Variants in THRAP3 observed in about 807,000 individuals in gnomAD.
THRAP3 encodes thyroid hormone receptor associated protein 3, also known as thyroid hormone receptor-associated protein 3.
A neutral mutation model predicts 101.0 loss-of-function variants in THRAP3; 16 were observed. The ratio of observed to expected loss-of-function variants is 0.16; its 90% confidence interval spans 0.11 to 0.24. THRAP3 has a LOEUF of 0.24. THRAP3 is among the 10% of genes least tolerant of loss of function. The pLI is 1.00. For synonymous variants in THRAP3, 407 were observed against 422.6 expected (o/e 0.96, Z 0.45); for missense variants, 989 against 1,202.7 (o/e 0.82, Z 2.63).
intron 1 of THRAP3, among the ~76,000 whole-genome samples, chr1:36,227,553 G>A (rs373923555): frequency 3.9e-5 from 6 of 152,140 alleles, no homozygotes; most frequent in East Asian, 3.9e-4. Flanking sequence ...AAAGTGCTGG[G>A]ATTACAGGCA....
chr1:36,248,949 G>C (rs904954720), intron 1 of THRAP3, among the ~76,000 whole-genome samples: 1 of 151,382 alleles, frequency 6.6e-6, no homozygotes, highest in African/African-American at 2.4e-5. Flanking sequence ...TCCCAGGCTG[G>C]AGTGCAGTGG....
intron 3 of THRAP3, among the ~76,000 whole-genome samples, chr1:36,282,994 A>G (rs1372641839): frequency 6.6e-6 from 1 of 152,208 alleles, no homozygotes; most frequent in African/African-American, 2.4e-5. Context: ...AAATCTCTAT[A>G]GCTGATTATT....
At chr1:36,261,193 T>C (rs1645440828) in intron 2 of THRAP3, among the ~76,000 whole-genome samples, 1 of 151,434 alleles carries the variant, frequency 6.6e-6, no homozygotes, top group Non-Finnish European at 1.5e-5. Flanking sequence ...AGGCCAGGAG[T>C]TCGAGACCAG....
chr1:36,238,360 A>G (rs773762881), intron 1 of THRAP3, among the ~76,000 whole-genome samples: 10 of 152,244 alleles, frequency 6.6e-5, no homozygotes, highest in Non-Finnish European at 1.0e-4. Flanking sequence ...GTACTTGCCT[A>G]TGAGTGCTAG....
At chr1:36,262,169 T>G (rs534809426) in intron 2 of THRAP3, among the ~76,000 whole-genome samples, 1 of 152,198 alleles carries the variant, frequency 6.6e-6, no homozygotes, top group Non-Finnish European at 1.5e-5. Context: ...ATAAGTGATA[T>G]AAAGAATGGT....
intron 1 of THRAP3, among the ~76,000 whole-genome samples, chr1:36,230,008 G>A (rs1026562977): frequency 5.6e-5 from 8 of 142,178 alleles, no homozygotes; most frequent in Non-Finnish European, 1.1e-4. Context: ...AGGCTGGAGT[G>A]CAGTGGTGCC....
At chr1:36,251,308 C>G (rs921275582) in intron 1 of THRAP3, among the ~76,000 whole-genome samples, 1 of 152,148 alleles carries the variant, frequency 6.6e-6, no homozygotes, top group African/African-American at 2.4e-5. Flanking sequence ...CTTGACAGTT[C>G]AGTCTGATCT....
At chr1:36,225,244 TAC>T (rs1482736882) in intron 1 of THRAP3, 1 of 152,334 alleles carries the variant, frequency 6.6e-6, no homozygotes, top group Non-Finnish European at 1.5e-5. Context: ...TCAGTGGCAG[TAC>T]AGTGTTTATG....
intron 10 of THRAP3, 49 bp from the exon 11 acceptor site, chr1:36,301,504 C>T (rs748398473): frequency 6.3e-7 from 1 of 1,591,886 alleles, no homozygotes; most frequent in Non-Finnish European, 8.5e-7. Context: ...GGTTTGTTCC[C>T]CATTCCTGGC....
At chr1:36,214,715 C>A in the THRAP3 span, among the ~76,000 whole-genome samples, 1 of 151,760 alleles carries the variant, frequency 6.6e-6, no homozygotes, top group Non-Finnish European at 1.5e-5. Context: ...AAAAATTAGC[C>A]GAGCATGGTG....
chr1:36,297,444 ATTTTTTTTTTTT>A (rs764365723), intron 9 of THRAP3, among the ~76,000 whole-genome samples: 2 of 122,372 alleles, frequency 1.6e-5, no homozygotes, highest in African/African-American at 3.1e-5. Context: ...GCTGGCAAGC[ATTTTTTTTTTTT>A]TTTTTTTTTT....
intron 1 of THRAP3, among the ~76,000 whole-genome samples, chr1:36,236,595 G>A (rs935627494): frequency 4.6e-5 from 7 of 151,938 alleles, no homozygotes; most frequent in Admixed American, 6.6e-5. Context: ...CACTGCACCA[G>A]TCTACCTTGC....
intron 2 of THRAP3, among the ~76,000 whole-genome samples, chr1:36,273,455 T>C (rs1005641696): frequency 1.3e-5 from 2 of 152,190 alleles, no homozygotes; most frequent in African/African-American, 4.8e-5. Context: ...ATGAAAAATT[T>C]ACAGCTAACA....
At chr1:36,299,326 C>T (rs1343152211) in intron 9 of THRAP3, among the ~76,000 whole-genome samples, 1 of 151,762 alleles carries the variant, frequency 6.6e-6, no homozygotes, top group Non-Finnish European at 1.5e-5. Context: ...GTAATCCCCA[C>T]TGCTCAGGAG....
chr1:36,248,212 C>A (rs945874580), intron 1 of THRAP3, among the ~76,000 whole-genome samples: 2 of 152,036 alleles, frequency 1.3e-5, no homozygotes. Flanking sequence ...AAAAATTATT[C>A]TTTTCTTTCA....
intron 1 of THRAP3, among the ~76,000 whole-genome samples, chr1:36,247,040 C>T (rs922220365): frequency 4.0e-5 from 6 of 151,768 alleles, no homozygotes; most frequent in Non-Finnish European, 4.4e-5. Flanking sequence ...CTTTTTTGGC[C>T]GGGTGCAGTG....
rs892875787 is a variant in THRAP3, at chr1:36,287,866, G to A, written c.1040+596G>A. On this transcript the variant is annotated intron_variant, in intron 4 of 11. Transcript: ENST00000354618. ...GTGCTTCCGTCTTTCTCCCCTGGGG[G>A]ACACGGTGAGTTGGAACATGAATCT... 2.2e-5 allele frequency: 22 copies of A among 985,350 alleles called. 1 individual carries two copies. The African/African-American group carries it at 3.3e-4, about 15-fold the overall frequency. The allele number at this position is 985,350 out of a possible 1,614,324, so 61.0% of individuals were successfully genotyped here.
At chr1:36,230,063 T>C (rs148342075) in intron 1 of THRAP3, among the ~76,000 whole-genome samples, 5,100 of 151,108 alleles carry the variant, frequency 0.034, 221 homozygotes, top group East Asian at 0.13. Flanking sequence ...CAAGCGATTG[T>C]CCTGCGTCAG....
At chr1:36,227,121 A>T (rs1644971030) in intron 1 of THRAP3, among the ~76,000 whole-genome samples, 1 of 152,142 alleles carries the variant, frequency 6.6e-6, no homozygotes, top group Admixed American at 6.6e-5. Flanking sequence ...GTGTGCTTTC[A>T]GAACTGAAGG....
Sources: allele counts gnomAD v4.1 joint callset (sites outside exome capture counted in the v4.1 genomes callset), GRCh38; gene constraint gnomAD v4.1.1; transcripts MANE v1.5; gene names NCBI Gene and HGNC (gene_info 2026-07-23, HGNC 2026-07-21).